Variants in KLF12 observed in about 807,000 individuals in gnomAD.
The protein encoded by KLF12 is Krueppel-like factor 12.
A neutral mutation model predicts 37.8 loss-of-function variants in KLF12; 9 were observed. The observed-to-expected ratio is 0.24, with a 90% CI of 0.14 to 0.42. KLF12 has a LOEUF of 0.42. KLF12 is among the 10% of genes least tolerant of loss of function. KLF12 has a pLI of 1.00. For missense variants in KLF12, 411 were observed against 516.0 expected, an observed-to-expected ratio of 0.80 and a Z score of 1.97; for synonymous variants, 208 against 202.1, an observed-to-expected ratio of 1.03 and a Z score of -0.25.
At chr13:73,764,732 G>A (rs970592164) in intron 6 of KLF12, among the ~76,000 whole-genome samples, 1 of 152,092 alleles carries the variant, frequency 6.6e-6, no homozygotes, top group Non-Finnish European at 1.5e-5. Flanking sequence ...TACACTCAGG[G>A]TTTTTGGTGA....
the KLF12 span, among the ~76,000 whole-genome samples, chr13:74,209,635 C>T: frequency 4.6e-5 from 7 of 151,858 alleles, no homozygotes; most frequent in Non-Finnish European, 1.0e-4. Context: ...GCTGTGTGAT[C>T]TTAGACAATC....
In KLF12 at chr13:73,831,025, C is replaced by CACACACAT. The variant is rs1555311663; in HGVS notation, c.670+14801_670+14802insATGTGTGT. ...ACACACACACACACACACACACACA[C>CACACACAT]GCATACTTATTTTACATACAGAATA... On this transcript the variant is annotated intron_variant, in intron 4 of 7. Transcript: ENST00000377669. Among the ~76,000 whole-genome samples, 1,393 of 141,620 alleles carry CACACACAT rather than the reference C, an allele frequency of 9.8e-3. 10 individuals are homozygous for CACACACAT. Among genetic ancestry groups the CACACACAT allele is most frequent in the Middle Eastern group, 0.014 (4 of 288 alleles). 92.9% of individuals were successfully genotyped at this position (141,620 alleles called of 152,430 possible).
At chr13:74,086,949 C>T (rs1446189285) in intron 1 of KLF12, among the ~76,000 whole-genome samples, 1 of 152,056 alleles carries the variant, frequency 6.6e-6, no homozygotes, top group Non-Finnish European at 1.5e-5. Context: ...CCATCCTTGT[C>T]GTCTTCAAGC....
chr13:74,204,320 T>C, the KLF12 span, among the ~76,000 whole-genome samples: 4 of 152,138 alleles, frequency 2.6e-5, no homozygotes, highest in African/African-American at 9.7e-5. Flanking sequence ...AATGTAAGGG[T>C]TACAAGTGCA....
chr13:73,714,182 C>T (rs1038380862), intron 7 of KLF12, among the ~76,000 whole-genome samples: 7 of 152,152 alleles, frequency 4.6e-5, no homozygotes, highest in Admixed American at 3.9e-4. Flanking sequence ...GTGGCTCACA[C>T]CTGTAATCCC....
chr13:73,967,545 C>A (rs1402671862), intron 2 of KLF12, among the ~76,000 whole-genome samples: 1 of 152,106 alleles, frequency 6.6e-6, no homozygotes, highest in African/African-American at 2.4e-5. Context: ...ATATAGATAA[C>A]CCCATACAAC....
At chr13:74,060,994 G>C (rs566859719) in intron 1 of KLF12, among the ~76,000 whole-genome samples, 1 of 152,196 alleles carries the variant, frequency 6.6e-6, no homozygotes, top group Admixed American at 6.5e-5. Context: ...GCTAAGTCTA[G>C]ACCTTGGTCC....
chr13:73,977,910 C>T (rs1226686776), intron 2 of KLF12, among the ~76,000 whole-genome samples: 6 of 152,202 alleles, frequency 3.9e-5, no homozygotes, highest in East Asian at 1.9e-4. Flanking sequence ...AACAACTTGA[C>T]ATCCATGTGC....
At chr13:73,742,879 C>G (rs1878102867) in intron 6 of KLF12, among the ~76,000 whole-genome samples, 1 of 152,128 alleles carries the variant, frequency 6.6e-6, no homozygotes, top group Non-Finnish European at 1.5e-5. Flanking sequence ...ATTACAGCCA[C>G]AAGAGAAAAT....
At chr13:73,930,703 A>T (rs1889626131) in intron 3 of KLF12, among the ~76,000 whole-genome samples, 1 of 152,312 alleles carries the variant, frequency 6.6e-6, no homozygotes, top group Non-Finnish European at 1.5e-5. Flanking sequence ...GTAAAAGGCA[A>T]GTATATAACG....
At chr13:73,854,386 T>A (rs570213108) in intron 3 of KLF12, among the ~76,000 whole-genome samples, 1 of 152,358 alleles carries the variant, frequency 6.6e-6, no homozygotes, top group East Asian at 1.9e-4. Flanking sequence ...ATGTTCACCA[T>A]AAACAGTTAT....
chr13:74,052,778 A>AT (rs1873006491), intron 1 of KLF12, among the ~76,000 whole-genome samples: 1 of 152,078 alleles, frequency 6.6e-6, no homozygotes, highest in Non-Finnish European at 1.5e-5. Flanking sequence ...CCCTCCCATT[A>AT]CTACAGCTGA....
intron 3 of KLF12, among the ~76,000 whole-genome samples, chr13:73,847,731 T>G (rs772779825): frequency 6.6e-6 from 1 of 152,144 alleles, no homozygotes; most frequent in African/African-American, 2.4e-5. Context: ...ATCTAAAATA[T>G]CTACTGTATG....
intron 1 of KLF12, among the ~76,000 whole-genome samples, chr13:74,053,200 C>G (rs1057111358): frequency 6.6e-6 from 1 of 152,148 alleles, no homozygotes; most frequent in African/African-American, 2.4e-5. Context: ...AGCAATTCTA[C>G]TGAATACAGC....
At chr13:74,148,403 CTTTTTTTTTTT>C in the KLF12 span, among the ~76,000 whole-genome samples, 1 of 73,484 alleles carries the variant, frequency 1.4e-5, no homozygotes, top group Non-Finnish European at 2.4e-5. Flanking sequence ...CAAAACTGCT[CTTTTTTTTTTT>C]TTTTTTTTTT....
intron 1 of KLF12, among the ~76,000 whole-genome samples, chr13:74,079,157 T>C (rs570480631): frequency 6.6e-6 from 1 of 152,132 alleles, no homozygotes; most frequent in East Asian, 1.9e-4. Context: ...CCAGAAGAAA[T>C]CACTTATATG....
intron 5 of KLF12, among the ~76,000 whole-genome samples, chr13:73,766,580 C>A (rs1261697650): frequency 6.6e-6 from 1 of 152,134 alleles, no homozygotes; most frequent in Non-Finnish European, 1.5e-5. Flanking sequence ...AGGAAATTCT[C>A]CTGAACTTTC....
intron 4 of KLF12, among the ~76,000 whole-genome samples, chr13:73,843,309 CTT>C (rs549107140): frequency 8.4e-5 from 12 of 143,164 alleles, no homozygotes; most frequent in Admixed American, 1.4e-4. Context: ...ACATTATGTT[CTT>C]TTTTTTTTTT....
At chr13:74,077,605 T>C (rs1379188963) in intron 1 of KLF12, among the ~76,000 whole-genome samples, 1 of 152,154 alleles carries the variant, frequency 6.6e-6, no homozygotes. Flanking sequence ...GTGAGATGAG[T>C]AACCTTGGAC....
Sources: gnomAD v4.1 joint callset for allele counts (sites outside exome capture counted in the v4.1 genomes callset) on GRCh38, gnomAD v4.1.1 for gene constraint, MANE v1.5 for transcripts, NCBI Gene and HGNC (gene_info 2026-07-23, HGNC 2026-07-21) for gene names.